Variants in NKAIN2 observed in about 807,000 individuals in gnomAD.
NKAIN2 encodes the protein sodium/potassium-transporting ATPase subunit beta-1-interacting protein 2.
A neutral mutation model predicts 32.6 loss-of-function variants in NKAIN2; 14 were observed. The ratio of observed to expected loss-of-function variants is 0.43; its 90% CI spans 0.28 to 0.67. The LOEUF (loss-of-function observed/expected upper bound fraction) is 0.67, where lower values mean the gene tolerates loss of function less well. Among genes scored for constraint, NKAIN2 ranks in the 30% least tolerant of loss-of-function variants. NKAIN2 has a pLI of 0.17. For missense variants in NKAIN2, 198 were observed against 258.3 expected (o/e 0.77, Z 1.60); for synonymous variants, 80 against 87.2 (o/e 0.92, Z 0.46).
At chr6:123,846,844 G>GCGCACACA (rs141897220) in intron 1 of NKAIN2, among the ~76,000 whole-genome samples, 1 of 150,624 alleles carries the variant, frequency 6.6e-6, no homozygotes, top group Non-Finnish European at 1.5e-5. Flanking sequence ...ACGCACGCGC[G>GCGCACACA]CACACACACA....
At chr6:124,395,744 T>C (rs547847373) in intron 3 of NKAIN2, among the ~76,000 whole-genome samples, 25 of 152,270 alleles carry the variant, frequency 1.6e-4, no homozygotes, top group Middle Eastern at 6.8e-3. Context: ...CATTCATAAA[T>C]AGAATGGCAA....
At chr6:124,705,604 T>G (rs1302348817) in intron 4 of NKAIN2, among the ~76,000 whole-genome samples, 1 of 152,080 alleles carries the variant, frequency 6.6e-6, no homozygotes, top group Non-Finnish European at 1.5e-5. Flanking sequence ...CAGTAGCATT[T>G]GGGGAATTAT....
intron 1 of NKAIN2, among the ~76,000 whole-genome samples, chr6:123,823,788 G>C (rs1774023453): frequency 6.6e-6 from 1 of 152,162 alleles, no homozygotes; most frequent in African/African-American, 2.4e-5. Context: ...GAGCAAACCA[G>C]AAGGGTGAAA....
intron 4 of NKAIN2, among the ~76,000 whole-genome samples, chr6:124,691,289 C>T (rs1774245870): frequency 6.6e-6 from 1 of 152,132 alleles, no homozygotes; most frequent in Non-Finnish European, 1.5e-5. Flanking sequence ...CTAATCACTA[C>T]ACTCCTGGAC....
chr6:124,343,947 A>T (rs9388319), intron 2 of NKAIN2, among the ~76,000 whole-genome samples: 1 of 146,272 alleles, frequency 6.8e-6, no homozygotes, highest in Non-Finnish European at 1.5e-5. Flanking sequence ...TTTTCTTCTA[A>T]AGTTTTTATG....
chr6:124,523,401 C>T (rs1210157204), intron 3 of NKAIN2, among the ~76,000 whole-genome samples: 1 of 151,788 alleles, frequency 6.6e-6, no homozygotes, highest in African/African-American at 2.4e-5. Flanking sequence ...TTGGGAGGAG[C>T]CATGTTGAGT....
chr6:124,691,547 C>T (rs541200205), intron 4 of NKAIN2, among the ~76,000 whole-genome samples: 66 of 152,218 alleles, frequency 4.3e-4, no homozygotes, highest in Non-Finnish European at 8.2e-4. Flanking sequence ...GTGTTGTCTC[C>T]ACTTTTATTG....
chr6:124,739,335 G>C (rs1330233681), intron 4 of NKAIN2, among the ~76,000 whole-genome samples: 8 of 151,842 alleles, frequency 5.3e-5, no homozygotes, highest in African/African-American at 1.9e-4. Flanking sequence ...AGCAGTGGCA[G>C]CCAATATCAG....
chr6:124,731,850 T>G (rs1169488361), intron 4 of NKAIN2, among the ~76,000 whole-genome samples: 1 of 152,110 alleles, frequency 6.6e-6, no homozygotes, highest in Non-Finnish European at 1.5e-5. Flanking sequence ...ACAATCTAAA[T>G]ATTAATAGGC....
At chr6:123,977,573 C>T (rs9320967) in intron 1 of NKAIN2, among the ~76,000 whole-genome samples, 1 of 151,944 alleles carries the variant, frequency 6.6e-6, no homozygotes, top group South Asian at 2.1e-4. Context: ...CATTTAGGAA[C>T]AAATATGCTA....
rs899956144 is a variant in NKAIN2, at chr6:124,409,796, G to A, written c.273+54449G>A. On this transcript the variant is annotated intron_variant, in intron 3 of 6. Transcript: ENST00000368417. Reference sequence around the variant, plus strand: ...CCAGCTCCTCATTGTACCTATGGTAGAATTCGGCTGTGAATCCATCTGGTC... The same window carrying A: ...CCAGCTCCTCATTGTACCTATGGTAAAATTCGGCTGTGAATCCATCTGGTC... 2.6e-5 allele frequency among the ~76,000 whole-genome samples: 4 copies of A among 152,264 alleles called. No homozygotes were observed. In the East Asian group the frequency reaches 5.8e-4, roughly 22 times the overall value.
chr6:124,569,286 A>G (rs1781036436), intron 3 of NKAIN2, among the ~76,000 whole-genome samples: 1 of 152,060 alleles, frequency 6.6e-6, no homozygotes, highest in African/African-American at 2.4e-5. Flanking sequence ...ATCTGATGCC[A>G]CCTCTCACAG....
intron 1 of NKAIN2, among the ~76,000 whole-genome samples, chr6:124,024,218 C>G (rs536404774): frequency 6.6e-6 from 1 of 151,886 alleles, no homozygotes; most frequent in African/African-American, 2.4e-5. Context: ...GATTATATTC[C>G]CCTGATCCAG....
At chr6:124,341,257 A>G (rs1348471003) in intron 2 of NKAIN2, among the ~76,000 whole-genome samples, 1 of 152,190 alleles carries the variant, frequency 6.6e-6, no homozygotes, top group Non-Finnish European at 1.5e-5. Context: ...TAGTAGTTGA[A>G]TAACTCACAG....
At chr6:123,858,193 G>A (rs576981628) in intron 1 of NKAIN2, among the ~76,000 whole-genome samples, 1 of 151,354 alleles carries the variant, frequency 6.6e-6, no homozygotes, top group Admixed American at 6.6e-5. Context: ...TCAGCTCACT[G>A]CAACCTCCGC....
intron 3 of NKAIN2, among the ~76,000 whole-genome samples, chr6:124,501,994 T>C (rs1418687663): frequency 1.3e-5 from 2 of 151,978 alleles, no homozygotes; most frequent in East Asian, 3.9e-4. Flanking sequence ...TAGTCCCAGC[T>C]ACGGAAGGCT....
chr6:124,218,106 GA>G (rs1043846213), intron 1 of NKAIN2, among the ~76,000 whole-genome samples: 1 of 151,550 alleles, frequency 6.6e-6, no homozygotes, highest in Non-Finnish European at 1.5e-5. Context: ...AAAAAAAGTG[GA>G]AAAGGCATTA....
intron 1 of NKAIN2, among the ~76,000 whole-genome samples, chr6:123,987,094 G>C (rs528742892): frequency 4.6e-5 from 7 of 152,250 alleles, no homozygotes; most frequent in African/African-American, 1.4e-4. Flanking sequence ...TAAATGAGGT[G>C]ATATTTATAT....
intron 1 of NKAIN2, among the ~76,000 whole-genome samples, chr6:123,856,538 G>A (rs570014150): frequency 7.3e-4 from 111 of 152,314 alleles, no homozygotes; most frequent in Middle Eastern, 3.4e-3. Context: ...AAGAGCTTTA[G>A]TTGTTGCTTT....
Sources: gnomAD v4.1 joint callset for allele counts (sites outside exome capture counted in the v4.1 genomes callset) on GRCh38, gnomAD v4.1.1 for gene constraint, MANE v1.5 for transcripts, NCBI Gene and HGNC (gene_info 2026-07-23, HGNC 2026-07-21) for gene names.